LRP1B: variants seen among roughly 807,000 people sequenced by gnomAD.
LRP1B encodes low-density lipoprotein receptor-related protein 1B.
Under a neutral mutation model 556.6 loss-of-function variants are expected in LRP1B, and 217 were observed. That is an observed-to-expected ratio of 0.39 (90% CI 0.35 to 0.44). The LOEUF (loss-of-function observed/expected upper bound fraction) is 0.44, where lower values mean the gene tolerates loss of function less well. Among genes scored for constraint, LRP1B ranks in the 20% least tolerant of loss-of-function variants. The probability of loss-of-function intolerance (pLI) is 1.00; values close to 1 mark genes in which losing one functional copy is unlikely to be tolerated. For missense variants in LRP1B, 5,053 were observed against 5,620.8 expected (o/e 0.90, Z 3.23); for synonymous variants, 2,047 against 1,865.8 (o/e 1.10, Z -2.50).
At chr2:141,299,667 T>G (rs1237805090) in intron 3 of LRP1B, among the ~76,000 whole-genome samples, 1 of 152,204 alleles carries the variant, frequency 6.6e-6, no homozygotes, top group Non-Finnish European at 1.5e-5. Flanking sequence ...AATTCTATTT[T>G]TAAATATTCA....
intron 2 of LRP1B, among the ~76,000 whole-genome samples, chr2:141,671,461 G>A (rs942995687): frequency 2.0e-5 from 3 of 152,140 alleles, no homozygotes; most frequent in Non-Finnish European, 2.9e-5. Context: ...GCCTGATTCC[G>A]CAGGGGAACT....
intron 13 of LRP1B, among the ~76,000 whole-genome samples, chr2:141,014,194 C>T (rs1697836620): frequency 6.6e-6 from 1 of 152,008 alleles, no homozygotes; most frequent in Admixed American, 6.6e-5. Context: ...GTTCAAACAG[C>T]ATTGGGAGTC....
At chr2:140,418,512 G>A (rs2105261220) in intron 66 of LRP1B, among the ~76,000 whole-genome samples, 1 of 152,234 alleles carries the variant, frequency 6.6e-6, no homozygotes, top group Admixed American at 6.5e-5. Context: ...AGTCAAGGCA[G>A]AATATGCTGA....
At chr2:141,148,858 C>G (rs576460399) in intron 7 of LRP1B, among the ~76,000 whole-genome samples, 22 of 152,088 alleles carry the variant, frequency 1.4e-4, no homozygotes, top group African/African-American at 5.1e-4. Flanking sequence ...CCGAGGCAGG[C>G]GGATCACTTG....
At position 141,839,392 on chromosome 2, in the gene LRP1B, C is replaced by T. The variant is rs529135979; in HGVS notation, c.83-28991G>A. 1.9e-4 allele frequency among the ~76,000 whole-genome samples: 29 copies of T among 152,324 alleles called. 2 individuals are homozygous for T. The highest frequency in any genetic ancestry group is 6.8e-3 in the Middle Eastern group (2 of 294). ...ATATACACAAACATGCACCATTGAG[C>T]ATGCTTACATATTTTAAATGCTACC... On this transcript the variant is annotated intron_variant, in intron 1 of 90. Transcript: ENST00000389484.
intron 3 of LRP1B, among the ~76,000 whole-genome samples, chr2:141,269,327 T>C (rs1685003170): frequency 6.6e-6 from 1 of 152,172 alleles, no homozygotes; most frequent in Non-Finnish European, 1.5e-5. Context: ...GCTCTAAATC[T>C]CCTGAAAAGT....
At chr2:140,324,335 G>T (rs987663950) in intron 80 of LRP1B, among the ~76,000 whole-genome samples, 1 of 151,860 alleles carries the variant, frequency 6.6e-6, no homozygotes, top group African/African-American at 2.4e-5. Flanking sequence ...TTTTCTGGGG[G>T]TTATTATTTG....
chr2:140,332,867 T>C (rs907438295), intron 79 of LRP1B, among the ~76,000 whole-genome samples: 5 of 152,122 alleles, frequency 3.3e-5, no homozygotes, highest in African/African-American at 1.2e-4. Flanking sequence ...GCCAGTGTCA[T>C]TCTTTAAAAT....
chr2:140,464,878 A>G (rs1440177070), intron 60 of LRP1B, among the ~76,000 whole-genome samples: 4 of 152,202 alleles, frequency 2.6e-5, no homozygotes, highest in African/African-American at 4.8e-5. Context: ...TGAGTTTAGT[A>G]TCTGGTCTTC....
At chr2:140,875,021 T>TA (rs200338098) in intron 25 of LRP1B, among the ~76,000 whole-genome samples, 3,319 of 124,874 alleles carry the variant, frequency 0.027, 105 homozygotes, top group African/African-American at 0.081. Context: ...TCTGTCTCAA[T>TA]AAAAAAAAAA....
At chr2:142,127,738 C>A (rs141130131) in intron 1 of LRP1B, among the ~76,000 whole-genome samples, 1 of 151,940 alleles carries the variant, frequency 6.6e-6, no homozygotes, top group Admixed American at 6.6e-5. Context: ...GTTTTCTATA[C>A]AGATACATTA....
At chr2:140,359,053 C>G in intron 72 of LRP1B, 107 bp from the exon 73 acceptor site, 2 of 1,134,162 alleles carry the variant, frequency 1.8e-6, no homozygotes, top group Non-Finnish European at 2.4e-6. Context: ...GCTAGCTTTT[C>G]TAAATATCTT....
intron 2 of LRP1B, among the ~76,000 whole-genome samples, chr2:141,683,696 C>T (rs1691182922): frequency 6.6e-6 from 1 of 152,076 alleles, no homozygotes; most frequent in African/African-American, 2.4e-5. Context: ...GGAACCAATA[C>T]TTTATGATCT....
intron 3 of LRP1B, among the ~76,000 whole-genome samples, chr2:141,297,701 T>C (rs1182885291): frequency 7.2e-5 from 11 of 152,296 alleles, no homozygotes; most frequent in Non-Finnish European, 1.5e-4. Context: ...ACTTTACTTA[T>C]ATTTGTACAT....
intron 3 of LRP1B, among the ~76,000 whole-genome samples, chr2:141,338,911 C>A (rs1306503530): frequency 1.3e-5 from 2 of 152,026 alleles, no homozygotes; most frequent in East Asian, 3.9e-4. Flanking sequence ...GTTCTTGTTT[C>A]TATATCCAGT....
intron 1 of LRP1B, among the ~76,000 whole-genome samples, chr2:142,111,194 T>A (rs1020143141): frequency 6.6e-6 from 1 of 152,124 alleles, no homozygotes; most frequent in Non-Finnish European, 1.5e-5. Flanking sequence ...TGTTAGGAAG[T>A]CACTTTGAGT....
intron 21 of LRP1B, among the ~76,000 whole-genome samples, chr2:140,921,554 TCTG>T (rs150290707): frequency 6.6e-6 from 1 of 152,132 alleles, no homozygotes; most frequent in African/African-American, 2.4e-5. Context: ...CAATAATTCG[TCTG>T]CTAATTTTCA....
In LRP1B at chr2:140,824,984, G is replaced by A. The variant is rs543367627; in HGVS notation, c.5210-11178C>T. 1.2e-4 allele frequency among the ~76,000 whole-genome samples: 18 copies of A among 152,178 alleles called. 1 individual carries two copies. The highest frequency in any genetic ancestry group is 4.3e-4 in the African/African-American group (18 of 41,540). On this transcript the variant is annotated intron_variant, in intron 31 of 90. Coordinates refer to ENST00000389484, the MANE Select transcript of LRP1B (RefSeq NM_018557.3). ...ATATAATAGTAAATAAAGCAGATAC[G>A]GTCCCTAGCTTTGTGGTGCTTCTCT... is the stretch of plus-strand genomic sequence containing the variant.
chr2:140,940,842 C>T (rs1695379026), intron 20 of LRP1B, among the ~76,000 whole-genome samples: 1 of 152,126 alleles, frequency 6.6e-6, no homozygotes, highest in African/African-American at 2.4e-5. Context: ...TGAGTAATCG[C>T]CACAGTGTCT....
Sources: gnomAD v4.1 joint callset for allele counts (sites outside exome capture counted in the v4.1 genomes callset) on GRCh38, gnomAD v4.1.1 for gene constraint, MANE v1.5 for transcripts, NCBI Gene and HGNC (gene_info 2026-07-23, HGNC 2026-07-21) for gene names.